Variants in EZH1 observed in about 807,000 individuals in gnomAD.
EZH1 encodes the protein enhancer of zeste 1 polycomb repressive complex 2 subunit, also known as histone-lysine N-methyltransferase EZH1.
A neutral mutation model predicts 100.5 loss-of-function variants in EZH1; 33 were observed. The ratio of observed to expected loss-of-function variants is 0.33; its 90% CI spans 0.25 to 0.44. EZH1 has a LOEUF of 0.44. Ranked by LOEUF, EZH1 falls within the 20% of genes least tolerant of loss-of-function variation. EZH1 has a pLI of 1.00. For synonymous variants in EZH1, 272 were observed against 313.8 expected, an observed-to-expected ratio of 0.87 and a Z score of 1.41; for missense variants, 475 against 928.4, an observed-to-expected ratio of 0.51 and a Z score of 6.35.
chr17:42,714,855 T>C (rs1362310076), intron 10 of EZH1, among the ~76,000 whole-genome samples: 1 of 140,988 alleles, frequency 7.1e-6, no homozygotes, highest in Non-Finnish European at 1.5e-5. Flanking sequence ...TTTATATATA[T>C]TTACATATAA....
At chr17:42,734,223 A>G (rs1271927389) in intron 1 of EZH1, among the ~76,000 whole-genome samples, 3 of 151,730 alleles carry the variant, frequency 2.0e-5, no homozygotes, top group African/African-American at 4.8e-5. Context: ...TATTTTTAGT[A>G]GAGACAAGGT....
intron 1 of EZH1, among the ~76,000 whole-genome samples, chr17:42,736,700 G>A (rs1007169237): frequency 2.0e-5 from 3 of 152,048 alleles, no homozygotes; most frequent in Non-Finnish European, 2.9e-5. Context: ...TGGGCATGGT[G>A]GTGTGCACTT....
At chr17:42,733,212 C>T (rs1308834349) in intron 1 of EZH1, among the ~76,000 whole-genome samples, 2 of 151,186 alleles carry the variant, frequency 1.3e-5, no homozygotes, top group African/African-American at 2.4e-5. Context: ...TGGCGCATGC[C>T]TATAATCCCA....
At chr17:42,734,478 A>G (rs2054024122) in intron 1 of EZH1, among the ~76,000 whole-genome samples, 1 of 151,758 alleles carries the variant, frequency 6.6e-6, no homozygotes, top group Non-Finnish European at 1.5e-5. Flanking sequence ...CTGGGACAAC[A>G]TGCCAAAACC....
Position 42,702,605 on chromosome 17 carries a change from A to G in EZH1, c.2184-13T>C. 6.4e-7 allele frequency: 1 copy of G among 1,563,300 alleles called. No individual in the cohort carries two copies. The highest frequency in any genetic ancestry group is 8.7e-7 in the Non-Finnish European group (1 of 1,151,580). ...AGCTTGGCTGTACCTGTCCCAGAGCAGGGAAGAGGAACCAGGTTACTCTCA... is the reference window on the plus strand; with the variant it reads ...AGCTTGGCTGTACCTGTCCCAGAGCGGGGAAGAGGAACCAGGTTACTCTCA... On this transcript the variant is annotated splice_polypyrimidine_tract_variant and intron_variant, in intron 20 of 20. Transcript: ENST00000428826.
intron 13 of EZH1, 171 bp downstream of exon 13, chr17:42,709,675 C>T (rs915764552): frequency 8.4e-6 from 5 of 596,600 alleles, no homozygotes; most frequent in African/African-American, 5.6e-5. Context: ...AAGGCACAGA[C>T]CCTCAGGGAG....
At position 42,729,821 on chromosome 17, in the gene EZH1, C is replaced by T. The variant is rs535579288; in HGVS notation, c.-11-869G>A. Among the ~76,000 whole-genome samples the T allele has an allele frequency of 1.9e-3, 280 of 150,698 alleles. 1 individual carries two copies. The highest frequency in any genetic ancestry group is 6.6e-3 in the African/African-American group (269 of 40,930). On this transcript the variant is annotated intron_variant, in intron 2 of 20. Transcript: ENST00000428826. ...TTGGGAGGCCAAGGTGGGTGGATCACGAGGTCAGGAGTTCAAGACCAGCCT... is the reference window on the plus strand; with the variant it reads ...TTGGGAGGCCAAGGTGGGTGGATCATGAGGTCAGGAGTTCAAGACCAGCCT...
Position 42,713,387 on chromosome 17 carries a change from T to G in EZH1, c.1026A>C (p.Glu342Asp). The G allele has an allele frequency of 6.3e-7, 1 of 1,594,038 alleles. No individual in the cohort carries two copies. Among genetic ancestry groups the G allele is most frequent in the Non-Finnish European group, 8.6e-7 (1 of 1,163,810 alleles). The change falls in exon 11 of 21, where the codon GAA becomes GAC. Residue 342 changes from glutamate to aspartate, a missense_variant and splice_region_variant. By Grantham distance (45) the Glu-to-Asp change is conservative (BLOSUM62 2). This residue lies in a region of EZH1 where 180 missense variants were observed against 295.3 expected (regional missense o/e 0.61). Coordinates refer to ENST00000428826, the MANE Select transcript of EZH1 (RefSeq NM_001991.5). Reference protein sequence around the residue: ...PCGTDCFLLLEGAKEYAMLHN... With the variant: ...PCGTDCFLLLDGAKEYAMLHN... ...GGAGCATGGCATACTCCTTTGCTCCTTCCTGCAGTGGACACATTACAGACA... is the reference window on the plus strand; with the variant it reads ...GGAGCATGGCATACTCCTTTGCTCCGTCCTGCAGTGGACACATTACAGACA...
At chr17:42,727,525 G>C (rs997560148) in intron 4 of EZH1, 110 bp downstream of exon 4, 1 of 1,317,964 alleles carries the variant, frequency 7.6e-7, no homozygotes, top group Admixed American at 2.3e-5. Context: ...ATACTTGTGT[G>C]AGCCACCATA....
rs1426740504 is a variant in EZH1, at chr17:42,709,004, G to A, written c.1494-88C>T. Reference sequence around the variant, plus strand: ...AATGACAACGTGACTTGCTCTGAGGGACTGTGTTTGATGACTGGGGAGTAT... The same window carrying A: ...AATGACAACGTGACTTGCTCTGAGGAACTGTGTTTGATGACTGGGGAGTAT... On this transcript the variant is annotated intron_variant, in intron 13 of 20. Transcript: ENST00000428826. The A allele has an allele frequency of 2.0e-6, 3 of 1,469,352 alleles. No homozygotes were observed. The African/African-American group carries it at 4.2e-5, about 20-fold the overall frequency. 91.0% of individuals were successfully genotyped at this position (1,469,352 alleles called of 1,614,324 possible).
Position 42,737,343 on chromosome 17 carries a change from G to A in EZH1, c.-102-6425C>T, listed in dbSNP as rs1484516050. On this transcript the variant is annotated intron_variant, in intron 1 of 20. Transcript: ENST00000428826. ...AGGGCAGGCGTGATGGCTCATGCCTGAAATTCCAACACTTTTGGAGGCTGA... is the reference window on the plus strand; with the variant it reads ...AGGGCAGGCGTGATGGCTCATGCCTAAAATTCCAACACTTTTGGAGGCTGA... 2.0e-5 allele frequency among the ~76,000 whole-genome samples: 3 copies of A among 152,326 alleles called. No individual in the cohort carries two copies. In the East Asian group the frequency reaches 5.8e-4, roughly 29 times the overall value.
rs1277841299 is a variant in EZH1, at chr17:42,706,210, T to C, written c.1661-25A>G. 1 of 1,587,580 alleles carries C rather than the reference T, an allele frequency of 6.3e-7. No individual in the cohort carries two copies. Among genetic ancestry groups the C allele is most frequent in the East Asian group, 2.3e-5 (1 of 44,224 alleles). On this transcript the variant is annotated intron_variant, in intron 15 of 20. Coordinates refer to ENST00000428826, the MANE Select transcript of EZH1 (RefSeq NM_001991.5). The surrounding 1 kb of genome is among the most constrained non-coding windows in gnomAD (Gnocchi z 4.4). ...CCTGGGAAGGGAAGACAGGTAAGTC[T>C]TAGAAGGGAAATAAGCTAATACTGG...
chr17:42,725,160 C>T (rs566601697), intron 4 of EZH1, among the ~76,000 whole-genome samples: 5 of 151,924 alleles, frequency 3.3e-5, no homozygotes, highest in Admixed American at 6.6e-5. Context: ...AGCGATACTC[C>T]GTCTCAAAAA....
rs1011986908 is a variant in EZH1, at chr17:42,719,092, C to T, written c.767+13G>A. ...CACTCTGTATATGGCCTAAGTGGGA[C>T]AGCTTTCCCTACCTCTCCTTCATGT... On this transcript the variant is annotated intron_variant, in intron 8 of 20. Transcript: ENST00000428826. The T allele has an allele frequency of 6.2e-7, 1 of 1,601,460 alleles. No homozygotes were observed. The highest frequency in any genetic ancestry group is 1.7e-5 in the Admixed American group (1 of 59,972).
intron 1 of EZH1, among the ~76,000 whole-genome samples, chr17:42,740,488 G>A (rs751284709): frequency 3.5e-4 from 54 of 152,154 alleles, no homozygotes; most frequent in Non-Finnish European, 6.2e-4. Flanking sequence ...CACCCGCTTC[G>A]GCCTCCCAAA....
intron 12 of EZH1, among the ~76,000 whole-genome samples, chr17:42,711,890 A>AGCAGCAGCTGCAGCAGCT (rs3067937): frequency 1.3e-5 from 2 of 151,346 alleles, no homozygotes; most frequent in Admixed American, 6.6e-5. Flanking sequence ...TGGTGGAGGG[A>AGCAGCAGCTGCAGCAGCT]GCAGCAGCTG....
intron 16 of EZH1, 77 bp from the exon 17 acceptor site, chr17:42,705,260 G>A: frequency 1.4e-6 from 1 of 714,682 alleles, no homozygotes; most frequent in Non-Finnish European, 2.5e-6. Context: ...GCACATGTGT[G>A]GTGGGGGTGG....
chr17:42,709,616 A>T, intron 13 of EZH1: 1 of 444,956 alleles, frequency 2.2e-6, no homozygotes, highest in Non-Finnish European at 4.0e-6. Context: ...AAATAGAAAA[A>T]CAGACAGTTA....
intron 10 of EZH1, chr17:42,714,697 C>A: frequency 1.2e-5 from 3 of 255,128 alleles, no homozygotes; most frequent in South Asian, 4.5e-5. Context: ...TAAAGGTTAA[C>A]TATCATTAAG....
Sources: allele counts gnomAD v4.1 joint callset (sites outside exome capture counted in the v4.1 genomes callset), GRCh38; gene constraint gnomAD v4.1.1; regional missense constraint gnomAD v4.1.1; non-coding constraint Gnocchi (gnomAD v3.1); transcripts MANE v1.5; gene names NCBI Gene and HGNC (gene_info 2026-07-23, HGNC 2026-07-21).